DOCK3: variants seen among roughly 807,000 people sequenced by gnomAD.
DOCK3 encodes dedicator of cytokinesis 3.
Under a neutral mutation model 265.6 loss-of-function variants are expected in DOCK3, and 60 were observed. The observed-to-expected ratio is 0.23, with a 90% CI of 0.18 to 0.28. DOCK3 has a LOEUF of 0.28. DOCK3 is among the 10% of genes least tolerant of loss of function. DOCK3 has a pLI of 1.00. For synonymous variants in DOCK3, 881 were observed against 938.0 expected (o/e 0.94, Z 1.11); for missense variants, 1,981 against 2,594.3 (o/e 0.76, Z 5.14).
intron 1 of DOCK3, among the ~76,000 whole-genome samples, chr3:50,761,817 A>G (rs2040548146): frequency 6.6e-6 from 1 of 152,206 alleles, no homozygotes; most frequent in South Asian, 2.1e-4. Context: ...ATGTATGTTT[A>G]TTGTGGCACT....
intron 14 of DOCK3, among the ~76,000 whole-genome samples, chr3:51,216,982 C>T (rs112316158): frequency 0.012 from 1,902 of 152,250 alleles, 49 homozygotes; most frequent in African/African-American, 0.042. Flanking sequence ...CTTCTTGACC[C>T]ATGAACACGT....
At position 51,383,752 on chromosome 3, in the gene DOCK3, G is replaced by A. The variant is rs1417894469; in HGVS notation, c.*2193G>A. On this transcript the variant is annotated 3_prime_UTR_variant, in exon 53 of 53. Transcript: ENST00000266037. ...GCCAGAGATGAGAACCCTTTGAAAA[G>A]ATTGTAAAATACTGATTTTCATTCT... 1 of 152,602 alleles carries A rather than the reference G, an allele frequency of 6.6e-6. No individual in the cohort carries two copies. Among genetic ancestry groups the A allele is most frequent in the African/African-American group, 2.4e-5 (1 of 41,446 alleles). The allele number at this position is 152,602 out of a possible 1,614,324, so 9.5% of individuals were successfully genotyped here. A position where few individuals can be genotyped will look rare whatever the true frequency, so the allele number is the denominator to read the frequency against.
intron 9 of DOCK3, among the ~76,000 whole-genome samples, chr3:51,113,930 G>A (rs2083625691): frequency 6.6e-6 from 1 of 152,116 alleles, no homozygotes; most frequent in South Asian, 2.1e-4. Flanking sequence ...TGGGCAACAA[G>A]CAAGACCCCA....
intron 5 of DOCK3, among the ~76,000 whole-genome samples, chr3:50,936,096 C>T (rs2051344396): frequency 6.6e-6 from 1 of 151,758 alleles, no homozygotes; most frequent in Non-Finnish European, 1.5e-5. Context: ...ACCTTAGGAA[C>T]AAAGTAGAAA....
At chr3:50,888,500 GA>G (rs1157219372) in intron 3 of DOCK3, among the ~76,000 whole-genome samples, 1 of 152,084 alleles carries the variant, frequency 6.6e-6, no homozygotes, top group African/African-American at 2.4e-5. Context: ...CACAGAATTG[GA>G]AAAAACTACT....
intron 5 of DOCK3, among the ~76,000 whole-genome samples, chr3:50,973,049 C>CTTGTTTTTTTTTT (rs2077292329): frequency 5.3e-5 from 1 of 19,012 alleles, no homozygotes; most frequent in Admixed American, 1.2e-3. Context: ...CAGTGTGTTT[C>CTTGTTTTTTTTTT]TTTTTTTTTT....
At chr3:50,852,800 T>G (rs984669744) in intron 3 of DOCK3, among the ~76,000 whole-genome samples, 9 of 152,198 alleles carry the variant, frequency 5.9e-5, no homozygotes, top group African/African-American at 2.2e-4. Context: ...TTTATTCACT[T>G]TTATTTTTAA....
intron 25 of DOCK3, among the ~76,000 whole-genome samples, chr3:51,277,101 C>T (rs1233842653): frequency 6.6e-6 from 1 of 152,054 alleles, no homozygotes; most frequent in Non-Finnish European, 1.5e-5. Context: ...TGAGGGCACC[C>T]AAGGGGAAGA....
intron 5 of DOCK3, among the ~76,000 whole-genome samples, chr3:51,049,793 CCACACA>C (rs34449511): frequency 5.4e-5 from 8 of 147,210 alleles, no homozygotes; most frequent in Admixed American, 2.0e-4. Flanking sequence ...CCTAATGGGT[CCACACA>C]CACACACACA....
chr3:51,064,561 G>C lies in DOCK3; in HGVS notation c.429G>C (p.Lys143Asn). The change falls in exon 6 of 53, where the codon AAG becomes AAC. Residue 143 changes from lysine to asparagine, a missense_variant. Coordinates refer to ENST00000266037, the MANE Select transcript of DOCK3 (RefSeq NM_004947.5). ...CTCAGGATCAGGTGCGGGAGGTTAA[G>C]CGGCACATCACCGTGCGCCTGGACT... ...HLTQDQVREV[K>N]RHITVRLDWG... 1 of 1,613,988 alleles carries C rather than the reference G, an allele frequency of 6.2e-7. No individual in the cohort carries two copies. Among genetic ancestry groups the C allele is most frequent in the South Asian group, 1.1e-5 (1 of 91,088 alleles).
intron 12 of DOCK3, among the ~76,000 whole-genome samples, chr3:51,187,366 T>G (rs1414744435): frequency 6.6e-6 from 1 of 152,192 alleles, no homozygotes; most frequent in African/African-American, 2.4e-5. Flanking sequence ...TGTACCCCCA[T>G]TATATCTAGG....
chr3:50,795,363 C>T (rs1235837066), intron 2 of DOCK3, among the ~76,000 whole-genome samples: 1 of 152,088 alleles, frequency 6.6e-6, no homozygotes, highest in African/African-American at 2.4e-5. Context: ...TTCAGGGACA[C>T]CAATGAGTTA....
rs567647581 is a variant in DOCK3, at chr3:50,830,403, TGCAGCTATTA to T, written c.122-11269_122-11260del. ...ATCTTCTACCTGTCTCTACTTCCTG[TGCAGCTATTA>T]GCCAGGTATTGGGTATAAATAAATT... On this transcript the variant is annotated intron_variant, in intron 2 of 52. Coordinates refer to ENST00000266037, the MANE Select transcript of DOCK3 (RefSeq NM_004947.5). Among the ~76,000 whole-genome samples, 60 of 152,350 alleles carry T rather than the reference TGCAGCTATTA, an allele frequency of 3.9e-4. 1 individual carries two copies. The South Asian group carries it at 0.01, about 26-fold the overall frequency.
At chr3:50,803,668 A>ACCTC (rs1173045305) in intron 2 of DOCK3, among the ~76,000 whole-genome samples, 1 of 148,264 alleles carries the variant, frequency 6.7e-6, no homozygotes, top group Non-Finnish European at 1.5e-5. Flanking sequence ...GGTGCCCCCC[A>ACCTC]CCTCCCAGAT....
intron 4 of DOCK3, 73 bp from the exon 5 acceptor site, chr3:50,933,908 A>G (rs2051213435): frequency 5.0e-6 from 5 of 990,876 alleles, no homozygotes. Flanking sequence ...AAACAAGTAG[A>G]AAAAGACAGG....
intron 5 of DOCK3, among the ~76,000 whole-genome samples, chr3:51,010,988 C>T (rs1047626674): frequency 2.0e-5 from 3 of 152,130 alleles, no homozygotes; most frequent in Non-Finnish European, 2.9e-5. Context: ...CCGAGAGATC[C>T]ACTGTTAGTC....
chr3:51,053,359 A>G (rs1353182470), intron 5 of DOCK3, among the ~76,000 whole-genome samples: 1 of 150,898 alleles, frequency 6.6e-6, no homozygotes, highest in Non-Finnish European at 1.5e-5. Flanking sequence ...TAAGCTCCGA[A>G]TGCTCTTGTC....
At chr3:51,200,711 A>G (rs2088687107) in intron 12 of DOCK3, among the ~76,000 whole-genome samples, 1 of 151,950 alleles carries the variant, frequency 6.6e-6, no homozygotes, top group African/African-American at 2.4e-5. Context: ...CAACTCCAAG[A>G]CACATAATTG....
intron 12 of DOCK3, among the ~76,000 whole-genome samples, chr3:51,193,310 G>A (rs546183417): frequency 6.6e-6 from 1 of 152,192 alleles, no homozygotes; most frequent in East Asian, 1.9e-4. Context: ...CTCTTAGATT[G>A]TGTTTGCTAG....
Sources: allele counts gnomAD v4.1 joint callset (sites outside exome capture counted in the v4.1 genomes callset), GRCh38; gene constraint gnomAD v4.1.1; transcripts MANE v1.5; gene names NCBI Gene and HGNC (gene_info 2026-07-23, HGNC 2026-07-21).